The following KREMEN1 variants were observed in gnomAD, a reference collection of about 807,000 sequenced individuals.
KREMEN1 encodes the protein kremen protein 1.
Under a neutral mutation model 46.5 loss-of-function variants are expected in KREMEN1, and 30 were observed. The observed-to-expected ratio is 0.65, with a 90% CI of 0.48 to 0.88. KREMEN1 has a LOEUF of 0.88. Ranked by LOEUF, KREMEN1 falls within the 40% of genes least tolerant of loss-of-function variation. The pLI, the probability that KREMEN1 is intolerant of heterozygous loss-of-function variation, is 0.00. For missense variants in KREMEN1, 533 were observed against 596.9 expected (o/e 0.89, Z 1.11); for synonymous variants, 214 against 230.6 (o/e 0.93, Z 0.65).
Position 29,073,912 on chromosome 22 carries a change from A to G in KREMEN1, c.97+685A>G, listed in dbSNP as rs1171733935. On this transcript the variant is annotated intron_variant, in intron 1 of 8. Transcript: ENST00000400335. This position sits in a 1 kb window ranked among gnomAD's most constrained non-coding sequence, Gnocchi z 4.4. ...GACGACTCCCCCGCTACAAGAGGCTATACGCCCCTCTCCGAGACCTCCAGC... is the reference window on the plus strand; with the variant it reads ...GACGACTCCCCCGCTACAAGAGGCTGTACGCCCCTCTCCGAGACCTCCAGC... Among the ~76,000 whole-genome samples the G allele has an allele frequency of 2.0e-5, 3 of 151,722 alleles. No homozygotes were observed. Among genetic ancestry groups the G allele is most frequent in the Non-Finnish European group, 4.4e-5 (3 of 67,868 alleles).
intron 9 of KREMEN1, among the ~76,000 whole-genome samples, chr22:29,158,604 A>G (rs1342949645): frequency 6.6e-6 from 1 of 151,836 alleles, no homozygotes; most frequent in Non-Finnish European, 1.5e-5. Context: ...ATTCTTAATC[A>G]TTTTCCAAGA....
rs1163915222 is a variant in KREMEN1, at chr22:29,073,135, C to A, written c.5C>A (p.Ala2Glu). 1.9e-6 allele frequency: 2 copies of A among 1,073,200 alleles called. No individual in the cohort carries two copies. The highest frequency in any genetic ancestry group is 3.9e-5 in the South Asian group (1 of 25,756). The allele number at this position is 1,073,200 out of a possible 1,614,324, so 66.5% of individuals were successfully genotyped here. Reference protein sequence around the residue: MAPPAARLALLS... With the variant: MEPPAARLALLS... ...GGGGCCCCGCACTGACGGCCCATGGCGCCGCCAGCCGCCCGCCTCGCCCTG... is the reference window on the plus strand; with the variant it reads ...GGGGCCCCGCACTGACGGCCCATGGAGCCGCCAGCCGCCCGCCTCGCCCTG... The change falls in exon 1 of 9, where the codon GCG becomes GAG. Residue 2 changes from alanine (A) to glutamate (E), a missense_variant. Physicochemically the swap from Ala to Glu is moderately radical, Grantham distance 107. Transcript: ENST00000400335. This position sits in a 1 kb window ranked among gnomAD's most constrained non-coding sequence, Gnocchi z 4.4.
downstream of KREMEN1, among the ~76,000 whole-genome samples, chr22:29,151,519 C>A (rs973072984): frequency 4.6e-5 from 7 of 152,198 alleles, no homozygotes; most frequent in Admixed American, 6.5e-5. Context: ...GCCATCTACG[C>A]AACTCCATGA....
chr22:29,108,774 C>A (rs1490916856), intron 3 of KREMEN1, among the ~76,000 whole-genome samples: 1 of 152,194 alleles, frequency 6.6e-6, no homozygotes, highest in Non-Finnish European at 1.5e-5. Flanking sequence ...ACTCGGTGAA[C>A]ACAAGAGGCC....
intron 1 of KREMEN1, among the ~76,000 whole-genome samples, chr22:29,077,405 A>G (rs1018399745): frequency 2.6e-5 from 4 of 152,194 alleles, no homozygotes; most frequent in African/African-American, 2.4e-5. Context: ...GCTGAAGTGC[A>G]GTGGCGCAAT....
In KREMEN1 at chr22:29,146,274, G is replaced by A. The variant is rs1601817563; in HGVS notation, c.*4162G>A. The A allele has an allele frequency of 1.0e-6, 1 of 985,900 alleles. No homozygotes were observed. Among genetic ancestry groups the A allele is most frequent in the East Asian group, 1.1e-4 (1 of 8,808 alleles). The allele number at this position is 985,900 out of a possible 1,614,324, so 61.1% of individuals were successfully genotyped here. A position where few individuals can be genotyped will look rare whatever the true frequency, so the allele number is the denominator to read the frequency against. On this transcript the variant is annotated 3_prime_UTR_variant, in exon 9 of 9. Coordinates refer to ENST00000400335, the MANE Select transcript of KREMEN1 (RefSeq NM_001039570.3). The stretch of plus-strand genomic sequence containing the variant: ...GTCTCAGCTTAGCTTCCCTGGTGTG[G>A]GGTGTTTTTCAAGCCTTCCAGCCAC...
intron 5 of KREMEN1, among the ~76,000 whole-genome samples, chr22:29,131,596 A>G (rs12484112): frequency 0.047 from 5,646 of 119,780 alleles, 228 homozygotes; most frequent in East Asian, 0.15. Context: ...GTGTGTGTGT[A>G]TATGTATATA....
intron 9 of KREMEN1, among the ~76,000 whole-genome samples, chr22:29,152,810 G>A (rs549121718): frequency 1.5e-4 from 23 of 152,316 alleles, no homozygotes; most frequent in African/African-American, 5.3e-4. Flanking sequence ...GCCTGGGGGT[G>A]CCCCATGGGT....
chr22:29,125,224 T>C (rs754010653), intron 4 of KREMEN1, 39 bp from the exon 5 acceptor site: 12 of 1,606,192 alleles, frequency 7.5e-6, no homozygotes, highest in Non-Finnish European at 9.4e-6. Flanking sequence ...CTGACATCCC[T>C]GATGATGCTT....
At chr22:29,133,247 C>A (rs200406975) in intron 5 of KREMEN1, among the ~76,000 whole-genome samples, 149 of 126,176 alleles carry the variant, frequency 1.2e-3, no homozygotes, top group Middle Eastern at 3.8e-3. Context: ...GACTCCATCT[C>A]AAAAAAAAAA....
chr22:29,116,526 G>C (rs572466785), intron 3 of KREMEN1, among the ~76,000 whole-genome samples: 1 of 152,160 alleles, frequency 6.6e-6, no homozygotes. Flanking sequence ...GAACCACCTG[G>C]ATTTGCTCAA....
chr22:29,162,382 A>G (rs2039019277), intron 9 of KREMEN1, among the ~76,000 whole-genome samples: 2 of 150,644 alleles, frequency 1.3e-5, no homozygotes, highest in South Asian at 4.2e-4. Flanking sequence ...CCAACATCAT[A>G]CTGAATAGGC....
At chr22:29,120,524 A>G (rs1422211108) in intron 3 of KREMEN1, among the ~76,000 whole-genome samples, 4 of 123,860 alleles carry the variant, frequency 3.2e-5, no homozygotes, top group Non-Finnish European at 6.9e-5. Flanking sequence ...GGGAGAGGTG[A>G]TGATGGAAAC....
rs1320184340 is a variant in KREMEN1 at position 29,073,139 on chromosome 22, G to A, written c.9G>A (p.Pro3=). MA[P]PAARLALLSA... ...CCCCGCACTGACGGCCCATGGCGCC[G>A]CCAGCCGCCCGCCTCGCCCTGCTCT... The change falls in exon 1 of 9, where the codon CCG becomes CCA. Residue 3 remains proline, a synonymous_variant. Coordinates refer to ENST00000400335, the MANE Select transcript of KREMEN1 (RefSeq NM_001039570.3). This position sits in a 1 kb window ranked among gnomAD's most constrained non-coding sequence, Gnocchi z 4.4. 1.8e-6 allele frequency: 2 copies of A among 1,083,182 alleles called. No homozygotes were observed. Among genetic ancestry groups the A allele is most frequent in the East Asian group, 6.7e-5 (1 of 14,996 alleles). The allele number at this position is 1,083,182 out of a possible 1,614,324, so 67.1% of individuals were successfully genotyped here. A position where few individuals can be genotyped will look rare whatever the true frequency, so the allele number is the denominator to read the frequency against.
intron 5 of KREMEN1, among the ~76,000 whole-genome samples, chr22:29,131,766 A>C (rs191820458): frequency 8.1e-6 from 1 of 122,874 alleles, no homozygotes; most frequent in Admixed American, 7.7e-5. Context: ...GTATATATAT[A>C]TGTATATATA....
In KREMEN1 at chr22:29,144,984, CG is replaced by C; in HGVS notation, c.*2875del. ...CAACTTACGATCCGTGGAGCAGCCC[CG>C]GGAAACCCAAATCTGGCTCAGGACA... On this transcript the variant is annotated 3_prime_UTR_variant, in exon 9 of 9. Transcript: ENST00000400335. 2.0e-6 allele frequency: 2 copies of C among 985,536 alleles called. No individual in the cohort carries two copies. Among genetic ancestry groups the C allele is most frequent in the Non-Finnish European group, 1.2e-6 (1 of 830,012 alleles). 61.0% of individuals were successfully genotyped at this position (985,536 alleles called of 1,614,324 possible). A position where few individuals can be genotyped will look rare whatever the true frequency, so the allele number is the denominator to read the frequency against.
At chr22:29,114,486 C>CAAAA (rs134685) in intron 3 of KREMEN1, among the ~76,000 whole-genome samples, 1,062 of 87,864 alleles carry the variant, frequency 0.012, 47 homozygotes, top group African/African-American at 0.044. Context: ...AACTCCGTGT[C>CAAAA]AAAAAAAAAA....
intron 3 of KREMEN1, among the ~76,000 whole-genome samples, chr22:29,117,283 T>C (rs1308128051): frequency 6.6e-6 from 1 of 152,160 alleles, no homozygotes; most frequent in Non-Finnish European, 1.5e-5. Flanking sequence ...AAAAATGCTA[T>C]TGGACCGGGC....
chr22:29,128,364 A>T (rs1260615044), intron 5 of KREMEN1, among the ~76,000 whole-genome samples: 1 of 152,226 alleles, frequency 6.6e-6, no homozygotes, highest in Non-Finnish European at 1.5e-5. Context: ...TCTGTACTTT[A>T]AAATGGTTAA....
Sources: gnomAD v4.1 joint callset for allele counts (sites outside exome capture counted in the v4.1 genomes callset) on GRCh38, gnomAD v4.1.1 for gene constraint, Gnocchi (gnomAD v3.1) non-coding constraint, MANE v1.5 for transcripts, NCBI Gene and HGNC (gene_info 2026-07-23, HGNC 2026-07-21) for gene names.